The following CFAP74 variants were observed in gnomAD, a reference collection of about 807,000 sequenced individuals.
The protein encoded by CFAP74 is cilia and flagella associated protein 74.
Under a neutral mutation model 188.9 loss-of-function variants are expected in CFAP74, and 124 were observed. The ratio of observed to expected loss-of-function variants is 0.66; its 90% CI spans 0.57 to 0.76. CFAP74 has a LOEUF of 0.76. Among genes scored for constraint, CFAP74 ranks in the 30% least tolerant of loss-of-function variants. The pLI, the probability that CFAP74 is intolerant of heterozygous loss-of-function variation, is 0.00. For missense variants in CFAP74, 2,198 were observed against 2,165.2 expected (o/e 1.02, Z -0.30); for synonymous variants, 956 against 916.7 (o/e 1.04, Z -0.77).
In CFAP74 at chr1:1,970,811, T is replaced by C. The variant is rs745848750; in HGVS notation, c.894A>G (p.Thr298=). Residue 298 remains threonine, a synonymous_variant, in exon 10 of 39, where the codon ACA becomes ACG. Coordinates refer to ENST00000682832, the MANE Select transcript of CFAP74 (RefSeq NM_001304360.2). ...LKGSISANRD[T]LRKFQAWDRA... ...GGTCCCATGCTTGGAACTTCCGCAG[T>C]GTGTCCTTGGAAACAGAGAGCACTG... 3.1e-6 allele frequency: 5 copies of C among 1,613,942 alleles called. No homozygotes were observed. The highest frequency in any genetic ancestry group is 2.2e-5 in the East Asian group (1 of 44,904).
chr1:1,928,064 G>A (rs1652059451), intron 27 of CFAP74: 1 of 415,810 alleles, frequency 2.4e-6, no homozygotes, highest in African/African-American at 2.1e-5. Flanking sequence ...CCGAAGGCAA[G>A]TGCTTCCCCT....
chr1:1,937,939 C>T (rs1199329421), intron 25 of CFAP74, among the ~76,000 whole-genome samples: 1 of 149,248 alleles, frequency 6.7e-6, no homozygotes, highest in African/African-American at 2.5e-5. Flanking sequence ...CACAGTCTCA[C>T]ATAAACGCAC....
Position 1,930,491 on chromosome 1 carries a change from A to C in CFAP74, c.3012-155T>G, listed in dbSNP as rs541813237. On this transcript the variant is annotated intron_variant, in intron 25 of 38. Transcript: ENST00000682832. The stretch of plus-strand genomic sequence containing the variant: ...CCAGGGGGTCACTGCGCCGCTGACA[A>C]GTTTCGAAAATACAGCGTATCCTTG... Among the ~76,000 whole-genome samples the C allele has an allele frequency of 3.3e-5, 5 of 152,350 alleles. No individual in the cohort carries two copies. The East Asian group carries it at 7.7e-4, about 23-fold the overall frequency.
intron 1 of CFAP74, among the ~76,000 whole-genome samples, chr1:1,996,925 AAAAAAAAAAAG>A (rs1311956748): frequency 3.3e-5 from 5 of 150,648 alleles, no homozygotes; most frequent in African/African-American, 1.2e-4. Context: ...TGTCTCAAAA[AAAAAAAAAAAG>A]AAAAAAAAAA....
At chr1:1,929,998 G>A (rs1652233041) in intron 26 of CFAP74, 62 bp downstream of exon 26, 1 of 1,458,972 alleles carries the variant, frequency 6.9e-7, no homozygotes, top group African/African-American at 1.4e-5. Context: ...AGACACCCCA[G>A]GGGTAAATGC....
rs751128281 is a variant in CFAP74 at position 1,959,184 on chromosome 1, A to G, written c.1787T>C (p.Ile596Thr). 7 of 1,610,968 alleles carry G rather than the reference A, an allele frequency of 4.3e-6. No homozygotes were observed. Among genetic ancestry groups the G allele is most frequent in the Non-Finnish European group, 5.1e-6 (6 of 1,177,542 alleles). The change falls in exon 16 of 39, where the codon ATC (isoleucine) becomes ACC (threonine). Residue 596 changes from isoleucine to threonine, a missense_variant. Coordinates refer to ENST00000682832, the MANE Select transcript of CFAP74 (RefSeq NM_001304360.2). ...CTCGCCCGTCTGAGCCAAAAATGAG[A>G]TATTTCCTTCTAGATCCTTGTTTAT... ...PMINKDLEGN[I>T]SFLAQTGEFS... is the part of the protein sequence containing the mutation.
At chr1:1,950,471 C>T (rs760739392) in intron 18 of CFAP74, among the ~76,000 whole-genome samples, 1 of 152,024 alleles carries the variant, frequency 6.6e-6, no homozygotes, top group Non-Finnish European at 1.5e-5. Flanking sequence ...TCCCGAGTAG[C>T]TGGGATTACA....
rs1357210245 is a variant in CFAP74 at position 1,924,481 on chromosome 1, G to A, written c.4144C>T (p.His1382Tyr). 1 of 1,602,908 alleles carries A rather than the reference G, an allele frequency of 6.2e-7. No individual in the cohort carries two copies. The highest frequency in any genetic ancestry group is 8.5e-7 in the Non-Finnish European group (1 of 1,176,406). Residue 1382 changes from histidine (H) to tyrosine (Y), a missense_variant, in exon 34 of 39, where the codon CAC becomes TAC. Transcript: ENST00000682832. ...CGGGTGCTGGAGAGGCTGTCCAGGT[G>A]CATGGAGAACTTGATGGGGAGCAGA... ...NSLLPIKFSM[H>Y]LDSLSSTRGR... is the part of the protein sequence containing the mutation.
At chr1:1,963,916 G>T in intron 13 of CFAP74, 49 bp from the exon 14 acceptor site, 1 of 1,237,548 alleles carries the variant, frequency 8.1e-7, no homozygotes, top group Non-Finnish European at 1.2e-6. Flanking sequence ...AGGGGGCTGT[G>T]CTGTGAGCAC....
chr1:1,972,584 G>A (rs761217289), intron 8 of CFAP74, among the ~76,000 whole-genome samples: 7 of 152,242 alleles, frequency 4.6e-5, no homozygotes, highest in South Asian at 2.1e-4. Flanking sequence ...AGTGGCTCAC[G>A]CCTGTAATCC....
chr1:1,923,281 T>G lies in CFAP74; in HGVS notation c.4522+86A>C. The G allele has an allele frequency of 6.7e-7, 1 of 1,500,668 alleles. No individual in the cohort carries two copies. Among genetic ancestry groups the G allele is most frequent in the Middle Eastern group, 2.1e-4 (1 of 4,830 alleles). The allele number at this position is 1,500,668 out of a possible 1,614,324, so 93.0% of individuals were successfully genotyped here. On this transcript the variant is annotated intron_variant, in intron 36 of 38. Coordinates refer to ENST00000682832, the MANE Select transcript of CFAP74 (RefSeq NM_001304360.2). The surrounding 1 kb of genome is among the most constrained non-coding windows in gnomAD (Gnocchi z 6.3). ...GGTAGAAGGCTGGGAATCCCTGCCC[T>G]GCTCCGCTGGGTCTCGGGGCCCCCA...
chr1:1,926,705 A>G lies in CFAP74; in HGVS notation c.3719T>C (p.Val1240Ala), dbSNP rs1451952954. 1.3e-6 allele frequency: 2 copies of G among 1,550,144 alleles called. No individual in the cohort carries two copies. The highest frequency in any genetic ancestry group is 3.9e-5 in the Admixed American group (2 of 51,000). ...LWCPTVAPSV[V>A]VTSHKGKTIF... ...GGTCTTGCCTTTATGGGACGTCACC[A>G]CAACAGATGGTGCCACCGTCGGGCA... Residue 1240 changes from valine to alanine, a missense_variant, in exon 30 of 39, where the codon GTG becomes GCG. Transcript: ENST00000682832.
At chr1:1,925,985 C>T (rs1651859566) in intron 32 of CFAP74, 47 bp from the exon 33 acceptor site, 1 of 1,526,860 alleles carries the variant, frequency 6.5e-7, no homozygotes, top group Non-Finnish European at 8.8e-7. Flanking sequence ...CTGCTGGAGC[C>T]ACGAGGGGAG....
chr1:1,997,477 T>C (rs1189398674), intron 1 of CFAP74, among the ~76,000 whole-genome samples: 1 of 151,444 alleles, frequency 6.6e-6, no homozygotes, highest in African/African-American at 2.4e-5. Flanking sequence ...AAAATGGTCA[T>C]TATTTCAGAT....
At chr1:1,930,037 C>T in intron 26 of CFAP74, 23 bp downstream of exon 26, 1 of 1,490,494 alleles carries the variant, frequency 6.7e-7, no homozygotes, top group Non-Finnish European at 8.9e-7. Flanking sequence ...GCTTCCCAGC[C>T]TGCATGTGGG....
At position 1,926,956 on chromosome 1, in the gene CFAP74, A is replaced by T; in HGVS notation, c.3600T>A (p.Val1200=). The change falls in exon 29 of 39, where the codon GTT becomes GTA. Residue 1200 remains valine (V), a synonymous_variant. Transcript: ENST00000682832. ...AFQAKFDTFV[V]PCVVASGDIK... is the part of the protein sequence containing the mutation. Reference sequence around the variant, plus strand: ...TGTCGCCACTGGCAACAACACAGGGAACTACAAATGTGTCAAACTTCGCCT... The same window carrying T: ...TGTCGCCACTGGCAACAACACAGGGTACTACAAATGTGTCAAACTTCGCCT... 1 of 1,550,270 alleles carries T rather than the reference A, an allele frequency of 6.5e-7. No individual in the cohort carries two copies. Among genetic ancestry groups the T allele is most frequent in the Non-Finnish European group, 8.7e-7 (1 of 1,146,888 alleles).
intron 22 of CFAP74, among the ~76,000 whole-genome samples, chr1:1,941,358 TG>T (rs1653363364): frequency 6.6e-6 from 1 of 152,204 alleles, no homozygotes; most frequent in African/African-American, 2.4e-5. Context: ...AGGGCAGCTC[TG>T]GGGGGCTGGG....
intron 17 of CFAP74, among the ~76,000 whole-genome samples, chr1:1,956,106 C>A (rs968100558): frequency 6.6e-6 from 1 of 152,248 alleles, no homozygotes; most frequent in Non-Finnish European, 1.5e-5. Context: ...GCTGTGCTGC[C>A]CCAGCCTGGG....
intron 10 of CFAP74, among the ~76,000 whole-genome samples, chr1:1,969,834 C>A (rs562788260): frequency 2.6e-5 from 4 of 152,254 alleles, no homozygotes; most frequent in African/African-American, 9.6e-5. Flanking sequence ...GGGCCAGGAG[C>A]CCCCGCCCAG....
Sources: allele counts gnomAD v4.1 joint callset (sites outside exome capture counted in the v4.1 genomes callset), GRCh38; gene constraint gnomAD v4.1.1; non-coding constraint Gnocchi (gnomAD v3.1); transcripts MANE v1.5; gene names NCBI Gene and HGNC (gene_info 2026-07-23, HGNC 2026-07-21).